Variants in CFAP47 observed in about 807,000 individuals in gnomAD.
The protein encoded by CFAP47 is cilia- and flagella-associated protein 47.
CFAP47 carries 29 observed loss-of-function variants against 148.1 expected under a neutral mutation model. That is an observed-to-expected ratio of 0.20 (90% CI 0.15 to 0.27). The LOEUF is 0.27. Among genes scored for constraint, CFAP47 ranks in the 10% least tolerant of loss-of-function variants. The pLI, the probability that CFAP47 is intolerant of heterozygous loss-of-function variation, is 1.00. For missense variants in CFAP47, 1,872 were observed against 1,697.5 expected (o/e 1.10, Z -1.81); for synonymous variants, 664 against 577.3 (o/e 1.15, Z -2.15).
chrX:36,071,571 G>A (rs1937752836), intron 27 of CFAP47, among the ~76,000 whole-genome samples: 1 of 111,824 alleles, frequency 8.9e-6, no homozygotes, highest in South Asian at 3.7e-4. Context: ...TAACTTTGAT[G>A]TACCATAACA....
chrX:36,283,357 G>A (rs1413259317), intron 50 of CFAP47, among the ~76,000 whole-genome samples: 7 of 111,433 alleles, frequency 6.3e-5, no homozygotes, highest in Admixed American at 5.7e-4. Flanking sequence ...CAATGTACAT[G>A]TCTAGTACTG....
intron 29 of CFAP47, among the ~76,000 whole-genome samples, chrX:36,073,781 GC>G (rs780843769): frequency 9.0e-6 from 1 of 111,505 alleles, no homozygotes; most frequent in East Asian, 2.8e-4. Flanking sequence ...CTTTTACAGT[GC>G]ATTTACTTCC....
chrX:35,928,337 T>G (rs146590095), intron 2 of CFAP47, among the ~76,000 whole-genome samples: 2,655 of 111,101 alleles, frequency 0.024, 90 homozygotes, highest in African/African-American at 0.082. Flanking sequence ...TACTTAAAAA[T>G]TTTAGCTATT....
At chrX:36,378,915 G>A (rs782264101) in intron 62 of CFAP47, among the ~76,000 whole-genome samples, 2 of 111,024 alleles carry the variant, frequency 1.8e-5, no homozygotes, top group Admixed American at 9.6e-5. Context: ...AGGTTCAAGC[G>A]ATTCTCCTGC....
chrX:36,088,792 T>A (rs1422575425), intron 30 of CFAP47, among the ~76,000 whole-genome samples: 1 of 110,115 alleles, frequency 9.1e-6, no homozygotes, highest in African/African-American at 3.4e-5. Context: ...ATTTTATGAT[T>A]AATTAATTTT....
Position 36,104,488 on chromosome X carries a change from C to T in CFAP47, c.5128-11C>T. ...TTTGCATCTAATAAAAGTTATCTCT[C>T]CCAATTTCAGGTTTTGGTTCTATCC... On this transcript the variant is annotated splice_polypyrimidine_tract_variant and intron_variant, in intron 32 of 63. Transcript: ENST00000378653. 1.4e-6 allele frequency: 1 copy of T among 696,618 alleles called. No homozygotes were observed. Among genetic ancestry groups the T allele is most frequent in the Non-Finnish European group, 2.0e-6 (1 of 498,143 alleles). 57.4% of individuals were successfully genotyped at this position (696,618 alleles called of 1,213,427 possible).
In CFAP47 at chrX:36,139,018, G is replaced by A. The variant is rs188956712; in HGVS notation, c.5535+554G>A. The stretch of plus-strand genomic sequence containing the variant: ...TGAGCCTTTTGTTTGTTACTTAGGG[G>A]CAATAAAATGGTAAAATAAATGATT... On this transcript the variant is annotated intron_variant, in intron 35 of 63. Transcript: ENST00000378653. Among the ~76,000 whole-genome samples, 6 of 110,929 alleles carry A rather than the reference G, an allele frequency of 5.4e-5. No homozygotes were observed. The East Asian group carries it at 1.7e-3, about 32-fold the overall frequency.
At chrX:35,976,013 C>G in intron 15 of CFAP47, 100 bp downstream of exon 15, 2 of 847,124 alleles carry the variant, frequency 2.4e-6, no homozygotes, top group Non-Finnish European at 3.4e-6. Flanking sequence ...GTACTGGTGC[C>G]AAGAGTATAG....
intron 21 of CFAP47, among the ~76,000 whole-genome samples, chrX:36,008,471 T>A (rs967095984): frequency 9.0e-6 from 1 of 110,754 alleles, no homozygotes; most frequent in Non-Finnish European, 1.9e-5. Flanking sequence ...CCTTATCTGT[T>A]AAAAATGCCT....
At chrX:35,979,268 C>T (rs1326445841) in intron 15 of CFAP47, among the ~76,000 whole-genome samples, 4 of 111,099 alleles carry the variant, frequency 3.6e-5, no homozygotes, top group East Asian at 5.7e-4. Context: ...CATGAGGCTC[C>T]GTGCCTGGCC....
At chrX:35,961,926 G>T (rs963836470) in intron 8 of CFAP47, among the ~76,000 whole-genome samples, 1 of 111,088 alleles carries the variant, frequency 9.0e-6, no homozygotes, top group East Asian at 2.8e-4. Context: ...ATTGATTAAA[G>T]TCTTTTTTAA....
In CFAP47 at chrX:35,953,691, G is replaced by C; in HGVS notation, c.1146G>C (p.Leu382Phe). 8.3e-7 allele frequency: 1 copy of C among 1,199,211 alleles called. No homozygotes were observed. Among genetic ancestry groups the C allele is most frequent in the Middle Eastern group, 2.4e-4 (1 of 4,183 alleles). Residue 382 changes from leucine to phenylalanine, a missense_variant, in exon 7 of 64, where the codon TTG becomes TTC. Transcript: ENST00000378653. ...FESVGSKDGF[L>F]RDDDYKTIKS... ...CCGTAGGAAGTAAAGATGGATTTTT[G>C]AGAGATGATGACTATAAAACCATCA...
chrX:36,366,114 G>A (rs1439656792), intron 61 of CFAP47, among the ~76,000 whole-genome samples: 3 of 111,723 alleles, frequency 2.7e-5, no homozygotes, highest in Non-Finnish European at 5.7e-5. Context: ...TCACAAAATG[G>A]TTGAGTAATT....
chrX:36,120,992 A>G (rs1261602750), intron 33 of CFAP47, among the ~76,000 whole-genome samples: 3 of 111,477 alleles, frequency 2.7e-5, no homozygotes, highest in East Asian at 2.8e-4. Context: ...ATATTGGGTT[A>G]TATCTCTCTC....
intron 45 of CFAP47, among the ~76,000 whole-genome samples, chrX:36,210,496 A>G (rs1278413051): frequency 8.9e-6 from 1 of 112,419 alleles, no homozygotes; most frequent in Non-Finnish European, 1.9e-5. Flanking sequence ...TGCCATTTGT[A>G]TACCTTATTT....
At chrX:36,314,477 T>G (rs1941417529) in intron 56 of CFAP47, among the ~76,000 whole-genome samples, 2 of 111,481 alleles carry the variant, frequency 1.8e-5, no homozygotes, top group South Asian at 7.6e-4. Flanking sequence ...GCTCTGAGTT[T>G]GCCTTATTTG....
chrX:36,286,382 A>C (rs919356817), intron 51 of CFAP47, among the ~76,000 whole-genome samples: 3 of 109,782 alleles, frequency 2.7e-5, no homozygotes, highest in Admixed American at 9.8e-5. Context: ...TCTTTATAGA[A>C]TTGATTACTT....
At chrX:36,120,620 C>A in intron 33 of CFAP47, among the ~76,000 whole-genome samples, 1 of 111,185 alleles carries the variant, frequency 9.0e-6, no homozygotes, top group East Asian at 2.8e-4. Context: ...TCCATTAATC[C>A]ACTGGTCATT....
At position 35,919,740 on chromosome X, in the gene CFAP47, C is replaced by G. The variant is rs943978865; in HGVS notation, c.-60C>G. 4 of 1,136,409 alleles carry G rather than the reference C, an allele frequency of 3.5e-6. No individual in the cohort carries two copies. The African/African-American group carries it at 7.3e-5, about 21-fold the overall frequency. The allele number at this position is 1,136,409 out of a possible 1,213,427, so 93.7% of individuals were successfully genotyped here. A position where few individuals can be genotyped will look rare whatever the true frequency, so the allele number is the denominator to read the frequency against. ...CTGATGGTTGCCTAGCGACGGTCGT[C>G]GACGCTAATCCTTGGCCGGACGGAT... On this transcript the variant is annotated 5_prime_UTR_variant, in exon 1 of 64. Coordinates refer to ENST00000378653, the MANE Select transcript of CFAP47 (RefSeq NM_001304548.2).
Sources: gnomAD v4.1 joint callset for allele counts (sites outside exome capture counted in the v4.1 genomes callset) on GRCh38, gnomAD v4.1.1 for gene constraint, MANE v1.5 for transcripts, NCBI Gene and HGNC (gene_info 2026-07-23, HGNC 2026-07-21) for gene names.